The following SHISA6 variants were observed in gnomAD, a reference collection of about 807,000 sequenced individuals.
SHISA6 encodes the protein shisa family member 6.
In SHISA6, 22 loss-of-function variants were observed where a neutral mutation model predicts 47.9. That is an observed-to-expected ratio of 0.46 (90% CI 0.33 to 0.66). The LOEUF (loss-of-function observed/expected upper bound fraction) is 0.66. Among genes scored for constraint, SHISA6 ranks in the 30% least tolerant of loss-of-function variants. The pLI, the probability that SHISA6 is intolerant of heterozygous loss-of-function variation, is 0.02. For missense variants in SHISA6, 680 were observed against 764.6 expected (o/e 0.89, Z 1.30); for synonymous variants, 388 against 337.8 (o/e 1.15, Z -1.63).
chr17:11,379,635 G>C (rs1245414863), intron 3 of SHISA6, 126 bp downstream of exon 3: 9 of 622,160 alleles, frequency 1.4e-5, no homozygotes, highest in Non-Finnish European at 2.5e-5. Context: ...TTCCATGGCA[G>C]CTTGTCCTGG....
intron 3 of SHISA6, among the ~76,000 whole-genome samples, chr17:11,401,004 T>A (rs1181478616): frequency 2.0e-5 from 3 of 152,248 alleles, no homozygotes; most frequent in Non-Finnish European, 2.9e-5. Flanking sequence ...TGTTGCTTTA[T>A]AATGTTGTTT....
chr17:11,512,292 A>C lies in SHISA6; in HGVS notation c.896-39604A>C, dbSNP rs181524394. On this transcript the variant is annotated intron_variant, in intron 3 of 5. Coordinates refer to ENST00000441885, the MANE Select transcript of SHISA6 (RefSeq NM_207386.4). ...CCTTTCCTTTCAGGAAAATGAAAAC[A>C]GTCTCACCTCCTGTGGTTCCTTTTT... is the stretch of plus-strand genomic sequence containing the variant. Among the ~76,000 whole-genome samples the C allele has an allele frequency of 7.4e-3, 1,102 of 149,480 alleles. 14 individuals carry two copies. Among genetic ancestry groups the C allele is most frequent in the Non-Finnish European group, 8.3e-3 (564 of 67,984 alleles).
At chr17:11,525,350 T>C (rs1234704831) in intron 3 of SHISA6, among the ~76,000 whole-genome samples, 2 of 152,106 alleles carry the variant, frequency 1.3e-5, no homozygotes, top group African/African-American at 4.8e-5. Flanking sequence ...GAGGATATTG[T>C]GAGGCCAGGC....
At chr17:11,375,589 G>A (rs1912772639) in intron 2 of SHISA6, among the ~76,000 whole-genome samples, 2 of 151,746 alleles carry the variant, frequency 1.3e-5, no homozygotes, top group South Asian at 4.2e-4. Context: ...GTTTCACAGA[G>A]AAACTTTCCC....
intron 1 of SHISA6, among the ~76,000 whole-genome samples, chr17:11,258,218 G>A (rs1010806274): frequency 3.3e-5 from 5 of 152,176 alleles, no homozygotes; most frequent in African/African-American, 7.2e-5. Context: ...ATTAGGGCTC[G>A]AAACTATCCA....
At chr17:11,426,202 A>G (rs906915180) in intron 3 of SHISA6, among the ~76,000 whole-genome samples, 1 of 152,236 alleles carries the variant, frequency 6.6e-6, no homozygotes, top group African/African-American at 2.4e-5. Context: ...AAATAGTGAC[A>G]GAAGGTGAAA....
At chr17:11,424,356 A>G (rs1405219661) in intron 3 of SHISA6, among the ~76,000 whole-genome samples, 2 of 152,334 alleles carry the variant, frequency 1.3e-5, no homozygotes, top group Middle Eastern at 3.4e-3. Flanking sequence ...GATTTTGTGT[A>G]TGAAATCATC....
At chr17:11,491,982 G>C (rs958781647) in intron 3 of SHISA6, among the ~76,000 whole-genome samples, 2 of 152,074 alleles carry the variant, frequency 1.3e-5, no homozygotes, top group African/African-American at 4.8e-5. Flanking sequence ...TGTTGGTCAG[G>C]ATGGTCTCGA....
chr17:11,396,928 A>G (rs533226193), intron 3 of SHISA6, among the ~76,000 whole-genome samples: 46 of 152,242 alleles, frequency 3.0e-4, no homozygotes, highest in African/African-American at 1.1e-3. Flanking sequence ...AGAATTAGAA[A>G]TTCCCCTCCA....
At chr17:11,503,288 T>G (rs2071470591) in intron 3 of SHISA6, among the ~76,000 whole-genome samples, 1 of 152,096 alleles carries the variant, frequency 6.6e-6, no homozygotes, top group South Asian at 2.1e-4. Flanking sequence ...GTCCTTTGCC[T>G]ATTATCTGCC....
chr17:11,382,617 T>C lies in SHISA6; in HGVS notation c.895+3108T>C, dbSNP rs550396077. Among the ~76,000 whole-genome samples the C allele has an allele frequency of 2.0e-5, 3 of 152,344 alleles. No homozygotes were observed. In the South Asian group the frequency reaches 6.2e-4, roughly 32 times the overall value. On this transcript the variant is annotated intron_variant, in intron 3 of 5. Transcript: ENST00000441885. ...CTCTTTGTTTTATTTCTCTATCCTT[T>C]GTTTCAACTTCAGTGACTCTCTTTC...
At position 11,562,923 on chromosome 17, in the gene SHISA6, C is replaced by T. The variant is rs1034063109; in HGVS notation, c.*4619C>T. ...TCGGCCACCCAGGGATGCCCTCGTA[C>T]CTGAAGTTTAAGGGCCTAACCATTC... On this transcript the variant is annotated 3_prime_UTR_variant, in exon 6 of 6. Transcript: ENST00000441885. 1 of 152,296 alleles carries T rather than the reference C, an allele frequency of 6.6e-6. No individual in the cohort carries two copies. Among genetic ancestry groups the T allele is most frequent in the African/African-American group, 2.4e-5 (1 of 41,456 alleles). 9.4% of individuals were successfully genotyped at this position (152,296 alleles called of 1,614,324 possible). A position where few individuals can be genotyped will look rare whatever the true frequency, so the allele number is the denominator to read the frequency against.
At chr17:11,335,880 C>CA (rs1414412540) in intron 2 of SHISA6, among the ~76,000 whole-genome samples, 1 of 152,118 alleles carries the variant, frequency 6.6e-6, no homozygotes, top group African/African-American at 2.4e-5. Flanking sequence ...GTTCAAATGA[C>CA]ATATGCGAGT....
chr17:11,410,376 A>G (rs1194932317), intron 3 of SHISA6, among the ~76,000 whole-genome samples: 4 of 152,168 alleles, frequency 2.6e-5, no homozygotes, highest in African/African-American at 4.8e-5. Context: ...TAATTCTACA[A>G]AGTAGGTACT....
At chr17:11,275,277 G>A (rs981721071) in intron 2 of SHISA6, among the ~76,000 whole-genome samples, 25 of 152,040 alleles carry the variant, frequency 1.6e-4, no homozygotes, top group African/African-American at 5.1e-4. Flanking sequence ...TGGGAATGGG[G>A]CAAGGTTGGA....
In SHISA6 at chr17:11,532,739, CTTTTTTTTTTTT is replaced by C. The variant is rs71142217; in HGVS notation, c.896-19143_896-19132del. On this transcript the variant is annotated intron_variant, in intron 3 of 5. Transcript: ENST00000441885. ...CATGCCTTTCCCCATTCTATCAGGG[CTTTTTTTTTTTT>C]TTTTTTTTTTTTTCATTTCATTCCA... Among the ~76,000 whole-genome samples, 15 of 71,308 alleles carry C rather than the reference CTTTTTTTTTTTT, an allele frequency of 2.1e-4. No individual in the cohort carries two copies. In the East Asian group the frequency reaches 6.9e-3, roughly 33 times the overall value. The allele number at this position is 71,308 out of a possible 152,430, so 46.8% of individuals were successfully genotyped here. A position where few individuals can be genotyped will look rare whatever the true frequency, so the allele number is the denominator to read the frequency against.
At chr17:11,516,439 G>T (rs766876348) in intron 3 of SHISA6, among the ~76,000 whole-genome samples, 110 of 152,120 alleles carry the variant, frequency 7.2e-4, no homozygotes, top group Admixed American at 1.2e-3. Flanking sequence ...CATTCACAGG[G>T]GCAGAATAAA....
Position 11,263,379 on chromosome 17 carries a change from A to G in SHISA6, c.652A>G (p.Ile218Val). The change falls in exon 2 of 6, where the codon ATC becomes GTC. Residue 218 changes from isoleucine to valine, a missense_variant. Transcript: ENST00000441885. ...EMNIHRALAD[I>V]LRQQGPIPIA... ...CTCCTTGTTTAGGGCTCTGGCTGAC[A>G]TCTTAAGACAACAGGGACCAATCCC... The G allele has an allele frequency of 1.3e-6, 2 of 1,552,192 alleles. No homozygotes were observed. Among genetic ancestry groups the G allele is most frequent in the Non-Finnish European group, 8.7e-7 (1 of 1,147,100 alleles).
intron 2 of SHISA6, among the ~76,000 whole-genome samples, chr17:11,326,768 G>T (rs1198655306): frequency 1.3e-5 from 2 of 152,194 alleles, no homozygotes; most frequent in Admixed American, 1.3e-4. Flanking sequence ...TCAGTCCACT[G>T]ATCCACTTAG....
Sources: allele counts gnomAD v4.1 joint callset (sites outside exome capture counted in the v4.1 genomes callset), GRCh38; gene constraint gnomAD v4.1.1; transcripts MANE v1.5; gene names NCBI Gene and HGNC (gene_info 2026-07-23, HGNC 2026-07-21).